Variants in ZC2HC1A observed in about 807,000 individuals in gnomAD.
ZC2HC1A encodes zinc finger C2HC-type containing 1A, also known as zinc finger C2HC domain-containing protein 1A.
In ZC2HC1A, 28 loss-of-function variants were observed where a neutral mutation model predicts 40.7. That is an observed-to-expected ratio of 0.69 (90% CI 0.51 to 0.94). The LOEUF is 0.94. ZC2HC1A is among the 40% of genes least tolerant of loss of function. ZC2HC1A has a pLI of 0.00. For synonymous variants in ZC2HC1A, 129 were observed against 129.2 expected (o/e 1.00, Z 0.01); for missense variants, 389 against 386.3 (o/e 1.01, Z -0.06).
At position 78,718,579 on chromosome 8, in the gene ZC2HC1A, A is replaced by G. The variant is rs1811175359; in HGVS notation, c.*1086A>G. 1 of 151,822 alleles carries G rather than the reference A, an allele frequency of 6.6e-6. No homozygotes were observed. Among genetic ancestry groups the G allele is most frequent in the Non-Finnish European group, 1.5e-5 (1 of 67,752 alleles). The allele number at this position is 151,822 out of a possible 1,614,324, so 9.4% of individuals were successfully genotyped here. A position where few individuals can be genotyped will look rare whatever the true frequency, so the allele number is the denominator to read the frequency against. On this transcript the variant is annotated 3_prime_UTR_variant, in exon 9 of 9. Transcript: ENST00000263849. The stretch of plus-strand genomic sequence containing the variant: ...TTTTCCTACTCTTTTTTTCATCTTT[A>G]GCATTTAATGTTGAAACACCATTCA...
intron 3 of ZC2HC1A, among the ~76,000 whole-genome samples, chr8:78,681,637 G>A (rs2130459738): frequency 6.6e-6 from 1 of 152,156 alleles, no homozygotes; most frequent in African/African-American, 2.4e-5. Flanking sequence ...TTTCTTATAT[G>A]TCTACAAAAA....
chr8:78,688,628 G>A (rs1810103624), intron 4 of ZC2HC1A, among the ~76,000 whole-genome samples: 1 of 152,000 alleles, frequency 6.6e-6, no homozygotes, highest in Admixed American at 6.6e-5. Context: ...AGTATGCTTT[G>A]CATTTTGGGA....
intron 5 of ZC2HC1A, among the ~76,000 whole-genome samples, chr8:78,691,353 T>C (rs1050393690): frequency 2.6e-5 from 4 of 152,212 alleles, no homozygotes; most frequent in African/African-American, 9.6e-5. Context: ...TTTATCATTA[T>C]AAATTGTTCC....
At chr8:78,717,147 A>T (rs889800303) in intron 8 of ZC2HC1A, among the ~76,000 whole-genome samples, 181 bp from the exon 9 acceptor site, 3 of 150,546 alleles carry the variant, frequency 2.0e-5, no homozygotes, top group African/African-American at 7.4e-5. Flanking sequence ...ATATAATGTT[A>T]AAAAAAAATG....
At chr8:78,709,625 G>T (rs1374539142) in intron 7 of ZC2HC1A, among the ~76,000 whole-genome samples, 3 of 151,896 alleles carry the variant, frequency 2.0e-5, no homozygotes, top group Non-Finnish European at 4.4e-5. Context: ...GAGCAGGGGG[G>T]TGTTCAATCT....
chr8:78,695,328 C>G (rs1413879405), intron 5 of ZC2HC1A, among the ~76,000 whole-genome samples: 1 of 152,018 alleles, frequency 6.6e-6, no homozygotes, highest in African/African-American at 2.4e-5. Flanking sequence ...TATTTGGAAG[C>G]CATTAAGTTG....
At chr8:78,700,489 T>A (rs1810563938) in intron 7 of ZC2HC1A, among the ~76,000 whole-genome samples, 1 of 152,208 alleles carries the variant, frequency 6.6e-6, no homozygotes, top group Non-Finnish European at 1.5e-5. Flanking sequence ...TCTTTTGCTA[T>A]GCAGAAACTC....
chr8:78,680,247 T>C (rs1288604602), intron 3 of ZC2HC1A, among the ~76,000 whole-genome samples: 3 of 120,706 alleles, frequency 2.5e-5, no homozygotes, highest in African/African-American at 9.7e-5. Context: ...CAAAGTACAG[T>C]CCGCAGTCCG....
Position 78,686,537 on chromosome 8 carries a change from C to T in ZC2HC1A, c.281C>T (p.Ala94Val), listed in dbSNP as rs150032736. The T allele has an allele frequency of 3.8e-4, 594 of 1,552,880 alleles. No individual in the cohort carries two copies. The highest frequency in any genetic ancestry group is 4.7e-4 in the Non-Finnish European group (541 of 1,148,626). The stretch of plus-strand genomic sequence containing the variant: ...GAATTCATTGCTACCATAAGAGCAG[C>T]TAAAGGCCTTGATCAGGCCCTCAAA... ...HEEFIATIRA[A>V]KGLDQALKEG... Residue 94 changes from alanine to valine, a missense_variant, in exon 4 of 9, where the codon GCT becomes GTT. Transcript: ENST00000263849.
chr8:78,684,992 A>C lies in ZC2HC1A; in HGVS notation c.211-1475A>C, dbSNP rs187293793. On this transcript the variant is annotated intron_variant, in intron 3 of 8. Transcript: ENST00000263849. ...TAGACAAGTTGATTCAAAAGTTTAC[A>C]TCAAAAAATTTATATACATGAACTA... 1.9e-4 allele frequency among the ~76,000 whole-genome samples: 29 copies of C among 152,294 alleles called. No individual in the cohort carries two copies. The South Asian group carries it at 4.1e-3, about 22-fold the overall frequency.
intron 3 of ZC2HC1A, among the ~76,000 whole-genome samples, chr8:78,680,486 A>T (rs1417806284): frequency 6.6e-6 from 1 of 152,144 alleles, no homozygotes; most frequent in Non-Finnish European, 1.5e-5. Context: ...TCCTTGGGTG[A>T]GTCGTATGCA....
At chr8:78,673,032 A>C (rs1024773654) in intron 1 of ZC2HC1A, among the ~76,000 whole-genome samples, 1 of 151,942 alleles carries the variant, frequency 6.6e-6, no homozygotes, top group African/African-American at 2.4e-5. Flanking sequence ...CCCCACATGC[A>C]TTAGGTATTT....
rs934245384 is a variant in ZC2HC1A at position 78,687,924 on chromosome 8, T to A, written c.353-1298T>A. Among the ~76,000 whole-genome samples the A allele has an allele frequency of 1.5e-4, 21 of 141,106 alleles. 1 individual carries two copies. Among genetic ancestry groups the A allele is most frequent in the African/African-American group, 1.3e-4 (5 of 37,862 alleles). 92.6% of individuals were successfully genotyped at this position (141,106 alleles called of 152,430 possible). ...ATATATTTATATAAATATATAATTA[T>A]TTATATCTATATTTTTATATATAAA... On this transcript the variant is annotated intron_variant, in intron 4 of 8. Coordinates refer to ENST00000263849, the MANE Select transcript of ZC2HC1A (RefSeq NM_016010.3).
chr8:78,666,393 G>A lies in ZC2HC1A; in HGVS notation c.16+229G>A, dbSNP rs1025797168. Among the ~76,000 whole-genome samples, 15 of 152,316 alleles carry A rather than the reference G, an allele frequency of 9.8e-5. No individual in the cohort carries two copies. In the East Asian group the frequency reaches 2.9e-3, roughly 29 times the overall value. ...AGACGGTCTTCAACTGGGCTTTCCC[G>A]CCCGGAGCCAGATCCTGCCCCTGGC... On this transcript the variant is annotated intron_variant, in intron 1 of 8. Coordinates refer to ENST00000263849, the MANE Select transcript of ZC2HC1A (RefSeq NM_016010.3).
intron 7 of ZC2HC1A, among the ~76,000 whole-genome samples, chr8:78,714,384 T>C (rs1435871977): frequency 2.0e-5 from 3 of 152,168 alleles, no homozygotes; most frequent in African/African-American, 4.8e-5. Flanking sequence ...TGTTAACTTA[T>C]AGTGGCAACA....
intron 3 of ZC2HC1A, 187 bp downstream of exon 3, chr8:78,678,866 T>G: frequency 5.5e-6 from 2 of 366,494 alleles, no homozygotes; most frequent in Non-Finnish European, 9.5e-6. Context: ...ACAAATTTTA[T>G]TTTAAAAAAT....
chr8:78,699,994 C>T (rs1375256789), intron 7 of ZC2HC1A, among the ~76,000 whole-genome samples: 1 of 152,028 alleles, frequency 6.6e-6, no homozygotes, highest in Non-Finnish European at 1.5e-5. Context: ...AATGGGATTG[C>T]TGGGGGAAAT....
chr8:78,687,901 A>G lies in ZC2HC1A; in HGVS notation c.352+1293A>G, dbSNP rs1443613292. On this transcript the variant is annotated intron_variant, in intron 4 of 8. Coordinates refer to ENST00000263849, the MANE Select transcript of ZC2HC1A (RefSeq NM_016010.3). The stretch of plus-strand genomic sequence containing the variant: ...TATATATTTATATAATAAATTATAT[A>G]TATTTATATAAATATATAATTATTT... 1.5e-4 allele frequency among the ~76,000 whole-genome samples: 9 copies of G among 58,614 alleles called. No individual in the cohort carries two copies. The East Asian group carries it at 8.6e-3, about 56-fold the overall frequency. The allele number at this position is 58,614 out of a possible 152,430, so 38.5% of individuals were successfully genotyped here.
chr8:78,691,967 A>G (rs1810227412), intron 5 of ZC2HC1A, among the ~76,000 whole-genome samples: 1 of 152,170 alleles, frequency 6.6e-6, no homozygotes, highest in African/African-American at 2.4e-5. Flanking sequence ...TGATTCATGG[A>G]TACAATGTGC....
Sources: gnomAD v4.1 joint callset for allele counts (sites outside exome capture counted in the v4.1 genomes callset) on GRCh38, gnomAD v4.1.1 for gene constraint, MANE v1.5 for transcripts, NCBI Gene and HGNC (gene_info 2026-07-23, HGNC 2026-07-21) for gene names.